The following DEAF1 variants were observed in gnomAD, a reference collection of about 807,000 sequenced individuals.
The protein encoded by DEAF1 is DEAF1 transcription factor.
Under a neutral mutation model 58.9 loss-of-function variants are expected in DEAF1, and 53 were observed. That is an observed-to-expected ratio of 0.90 (90% confidence interval 0.72 to 1.13). DEAF1 has a LOEUF of 1.13. DEAF1 is among the 50% of genes most tolerant of loss of function. The pLI, the probability that DEAF1 is intolerant of heterozygous loss-of-function variation, is 0.00. For synonymous variants in DEAF1, 385 were observed against 340.4 expected (o/e 1.13, Z -1.44); for missense variants, 685 against 791.4 (o/e 0.87, Z 1.61).
Position 644,433 on chromosome 11 carries a change from T to C in DEAF1, c.*117A>G. 2.5e-6 allele frequency: 2 copies of C among 787,212 alleles called. No homozygotes were observed. The highest frequency in any genetic ancestry group is 4.3e-6 in the Non-Finnish European group (2 of 464,626). 48.8% of individuals were successfully genotyped at this position (787,212 alleles called of 1,614,324 possible). A position where few individuals can be genotyped will look rare whatever the true frequency, so the allele number is the denominator to read the frequency against. ...TTAATGACTTGTCCAGCAAGTTTCTTTACCTTCCCACACCCCTCTTCTCAA... is the reference window on the plus strand; with the variant it reads ...TTAATGACTTGTCCAGCAAGTTTCTCTACCTTCCCACACCCCTCTTCTCAA... On this transcript the variant is annotated 3_prime_UTR_variant, in exon 12 of 12. Coordinates refer to ENST00000382409, the MANE Select transcript of DEAF1 (RefSeq NM_021008.4). This position sits in a 1 kb window ranked among gnomAD's most constrained non-coding sequence, Gnocchi z 4.3.
intron 11 of DEAF1, among the ~76,000 whole-genome samples, chr11:645,655 C>G (rs1858455821): frequency 2.0e-5 from 3 of 152,182 alleles, no homozygotes; most frequent in Admixed American, 2.0e-4. Flanking sequence ...AAAAAGCAAA[C>G]TGGAACCAGC....
At chr11:697,007 G>A (rs1861211554), upstream of DEAF1, among the ~76,000 whole-genome samples, 1 of 150,802 alleles carries the variant, frequency 6.6e-6, no homozygotes, top group Non-Finnish European at 1.5e-5. Context: ...CGAACCCGGT[G>A]GTGGTGGTGG....
intron 8 of DEAF1, among the ~76,000 whole-genome samples, 181 bp downstream of exon 8, chr11:679,507 C>T (rs905274944): frequency 3.9e-5 from 6 of 152,194 alleles, no homozygotes; most frequent in African/African-American, 1.4e-4. Context: ...ACACGCCAAC[C>T]CCATCCACAC....
At chr11:647,757 T>A (rs1399304499) in intron 11 of DEAF1, among the ~76,000 whole-genome samples, 1 of 152,168 alleles carries the variant, frequency 6.6e-6, no homozygotes, top group South Asian at 2.1e-4. Flanking sequence ...AAGTTAAGGA[T>A]TAAAAGAAAA....
rs1289313351 is a variant in DEAF1 at position 688,761 on chromosome 11, G to A, written c.388-301C>T. Among the ~76,000 whole-genome samples, 7 of 152,258 alleles carry A rather than the reference G, an allele frequency of 4.6e-5. No homozygotes were observed. Among genetic ancestry groups the A allele is most frequent in the African/African-American group, 1.2e-4 (5 of 41,546 alleles). ...AAACACCCTCCCTTCCACCTGAGCC[G>A]CTCCCACAAGGTCACCGTCTTCATG... On this transcript the variant is annotated intron_variant, in intron 2 of 11. Transcript: ENST00000382409. The surrounding 1 kb of genome is among the most constrained non-coding windows in gnomAD (Gnocchi z 4.3).
chr11:668,882 G>A (rs1859676647), intron 10 of DEAF1, among the ~76,000 whole-genome samples: 1 of 152,162 alleles, frequency 6.6e-6, no homozygotes, highest in Non-Finnish European at 1.5e-5. Flanking sequence ...CTGGACTGCA[G>A]TGGTGCAATC....
At chr11:645,181 TCAAA>T (rs925757569) in intron 11 of DEAF1, among the ~76,000 whole-genome samples, 3 of 134,160 alleles carry the variant, frequency 2.2e-5, no homozygotes, top group African/African-American at 8.2e-5. Context: ...AAAAAAAAAG[TCAAA>T]CAACAAACCA....
chr11:694,790 G>C lies in DEAF1; in HGVS notation c.258C>G (p.Pro86=). The C allele has an allele frequency of 7.4e-7, 1 of 1,359,304 alleles. No individual in the cohort carries two copies. The highest frequency in any genetic ancestry group is 2.7e-4 in the Middle Eastern group (1 of 3,748). 84.2% of individuals were successfully genotyped at this position (1,359,304 alleles called of 1,614,324 possible). A position where few individuals can be genotyped will look rare whatever the true frequency, so the allele number is the denominator to read the frequency against. The change falls in exon 1 of 12, where the codon CCC becomes CCG. Residue 86 remains proline (P), a synonymous_variant. Transcript: ENST00000382409. The part of the protein sequence containing the change: ...MDMGAEALPG[P]DEAAAAAAFA... ...AGGCTGCGGCAGCGGCGGCCTCGTC[G>C]GGGCCGGGCAGGGCCTCGGCGCCCA...
chr11:684,636 C>T (rs749890562), intron 6 of DEAF1, among the ~76,000 whole-genome samples: 8 of 152,264 alleles, frequency 5.3e-5, no homozygotes, highest in African/African-American at 1.2e-4. Flanking sequence ...ACATTATAAC[C>T]GCTTTTCATT....
chr11:665,149 AAGTC>A (rs1485154634), intron 10 of DEAF1, among the ~76,000 whole-genome samples: 4 of 118,126 alleles, frequency 3.4e-5, no homozygotes, highest in Non-Finnish European at 5.6e-5. Flanking sequence ...CACTCTAAGT[AAGTC>A]CTGGCTCAGC....
rs1261796769 is a variant in DEAF1 at position 691,482 on chromosome 11, G to A, written c.387+19C>T. 6.2e-7 allele frequency: 1 copy of A among 1,609,232 alleles called. No homozygotes were observed. The highest frequency in any genetic ancestry group is 1.3e-5 in the African/African-American group (1 of 75,044). ...CGTGGCACCACCCGCCCTGGGCTGT[G>A]CCCCTCGGAGCAGCTTACCAGAACA... On this transcript the variant is annotated intron_variant, in intron 2 of 11. Coordinates refer to ENST00000382409, the MANE Select transcript of DEAF1 (RefSeq NM_021008.4).
At chr11:648,091 T>A (rs528649433) in intron 11 of DEAF1, among the ~76,000 whole-genome samples, 13 of 151,768 alleles carry the variant, frequency 8.6e-5, no homozygotes, top group South Asian at 8.3e-4. Flanking sequence ...CAGGCGGTGC[T>A]GGGAGCAGGG....
intron 11 of DEAF1, among the ~76,000 whole-genome samples, chr11:651,614 T>G (rs934837806): frequency 4.6e-5 from 7 of 152,108 alleles, no homozygotes; most frequent in African/African-American, 1.7e-4. Flanking sequence ...CTGGGCACGG[T>G]GGCTCACGCC....
chr11:680,831 C>T (rs908838327), intron 7 of DEAF1, 132 bp downstream of exon 7: 11 of 1,325,076 alleles, frequency 8.3e-6, no homozygotes, highest in African/African-American at 7.3e-5. Context: ...AGTGTGATGG[C>T]GTTGGAATCC....
At chr11:668,833 T>C (rs914111657) in intron 10 of DEAF1, among the ~76,000 whole-genome samples, 1 of 152,104 alleles carries the variant, frequency 6.6e-6, no homozygotes. Context: ...AAAAAGTTTT[T>C]TGTTTTTTTT....
chr11:676,747 A>T (rs533826632), intron 9 of DEAF1, among the ~76,000 whole-genome samples: 1 of 152,004 alleles, frequency 6.6e-6, no homozygotes, highest in East Asian at 1.9e-4. Flanking sequence ...CAGGTGATCC[A>T]CCCGCCTCGG....
At position 677,682 on chromosome 11, in the gene DEAF1, C is replaced by T. The variant is rs1276771345; in HGVS notation, c.1255+1012G>A. ...AAAAAAGTATAATGATGGCTGGGCACGATGGCTCACGCCTGTAATCCCAGC... is the reference window on the plus strand; with the variant it reads ...AAAAAAGTATAATGATGGCTGGGCATGATGGCTCACGCCTGTAATCCCAGC... On this transcript the variant is annotated intron_variant, in intron 9 of 11. Transcript: ENST00000382409. 2.1e-4 allele frequency among the ~76,000 whole-genome samples: 22 copies of T among 105,006 alleles called. 2 individuals carry two copies. Among genetic ancestry groups the T allele is most frequent in the African/African-American group, 6.4e-4 (22 of 34,582 alleles). The allele number at this position is 105,006 out of a possible 152,430, so 68.9% of individuals were successfully genotyped here. A position where few individuals can be genotyped will look rare whatever the true frequency, so the allele number is the denominator to read the frequency against.
intron 7 of DEAF1, chr11:680,065 T>C (rs866497711): frequency 3.2e-5 from 18 of 564,068 alleles, no homozygotes; most frequent in African/African-American, 2.4e-4. Context: ...CTGTGAACCA[T>C]GGAAATGTGC....
upstream of DEAF1, chr11:699,088 C>T: frequency 1.6e-6 from 1 of 625,168 alleles, no homozygotes; most frequent in Non-Finnish European, 2.8e-6. Context: ...CCTACCTGCT[C>T]AGCCCTGCAC....
Sources: gnomAD v4.1 joint callset for allele counts (sites outside exome capture counted in the v4.1 genomes callset) on GRCh38, gnomAD v4.1.1 for gene constraint, Gnocchi (gnomAD v3.1) non-coding constraint, MANE v1.5 for transcripts, NCBI Gene and HGNC (gene_info 2026-07-23, HGNC 2026-07-21) for gene names.